Variants in CFAP161 observed in about 807,000 individuals in gnomAD.
CFAP161 encodes the protein cilia- and flagella-associated protein 161.
In CFAP161, 25 loss-of-function variants were observed where a neutral mutation model predicts 29.0. The ratio of observed to expected loss-of-function variants is 0.86; its 90% CI spans 0.63 to 1.20. The LOEUF is 1.20. CFAP161 is among the 50% of genes most tolerant of loss of function. CFAP161 has a pLI of 0.00. For missense variants in CFAP161, 367 were observed against 371.9 expected, an observed-to-expected ratio of 0.99 and a Z score of 0.11; for synonymous variants, 116 against 137.4, an observed-to-expected ratio of 0.84 and a Z score of 1.09.
chr15:81,124,953 A>G (rs1894621671), intron 1 of CFAP161, among the ~76,000 whole-genome samples: 1 of 151,994 alleles, frequency 6.6e-6, no homozygotes, highest in Admixed American at 6.6e-5. Flanking sequence ...GCCAAGAACA[A>G]GCTTTTATTT....
chr15:81,144,596 AAAATAAAT>A (rs956478068), intron 5 of CFAP161, among the ~76,000 whole-genome samples: 3 of 152,014 alleles, frequency 2.0e-5, no homozygotes, highest in African/African-American at 7.2e-5. Flanking sequence ...ACTCTGTCTC[AAAATAAAT>A]AAATAAATGA....
intron 5 of CFAP161, 78 bp from the exon 6 acceptor site, chr15:81,147,780 C>T: frequency 9.3e-7 from 1 of 1,080,178 alleles, no homozygotes; most frequent in Non-Finnish European, 1.3e-6. Context: ...CAAATTTTTG[C>T]TTTTAGGTAA....
chr15:81,132,103 C>G (rs768293441), upstream of CFAP161, among the ~76,000 whole-genome samples: 1 of 152,076 alleles, frequency 6.6e-6, no homozygotes, highest in Non-Finnish European at 1.5e-5. Flanking sequence ...CTGGTAAAAC[C>G]CCATCTCTAC....
chr15:81,102,517 T>A (rs994350077), intron 1 of CFAP161, among the ~76,000 whole-genome samples: 3 of 151,464 alleles, frequency 2.0e-5, no homozygotes, highest in Admixed American at 6.6e-5. Context: ...AAAAAAAAAA[T>A]AAAAAATTAG....
At chr15:81,104,653 A>C (rs1278678566) in intron 1 of CFAP161, among the ~76,000 whole-genome samples, 1 of 152,214 alleles carries the variant, frequency 6.6e-6, no homozygotes, top group East Asian at 1.9e-4. Flanking sequence ...CAAATATCTT[A>C]TATCTAAGTC....
Position 81,120,942 on chromosome 15 carries a change from A to G in CFAP161, c.-141-6648A>G, listed in dbSNP as rs569336127. Among the ~76,000 whole-genome samples, 10 of 152,388 alleles carry G rather than the reference A, an allele frequency of 6.6e-5. No individual in the cohort carries two copies. In the East Asian group the frequency reaches 1.9e-3, roughly 29 times the overall value. ...TATTAAAGAAACGGGTTTCAGAATTAAAAATCAAAACCTCTTGCAATTCTA... is the reference window on the plus strand; with the variant it reads ...TATTAAAGAAACGGGTTTCAGAATTGAAAATCAAAACCTCTTGCAATTCTA... On this transcript the variant is annotated intron_variant, in intron 1 of 4. Coordinates refer to the CFAP161 transcript ENST00000560091.
intron 1 of CFAP161, among the ~76,000 whole-genome samples, chr15:81,121,517 C>T (rs796113047): frequency 6.5e-5 from 2 of 30,618 alleles, no homozygotes; most frequent in Admixed American, 5.7e-4. Context: ...ATCAAAAACA[C>T]ATCTGACTTT....
In CFAP161 at chr15:81,148,444, G is replaced by T. The variant is rs1280585194; in HGVS notation, c.817G>T (p.Asp273Tyr). 6.2e-6 allele frequency: 10 copies of T among 1,614,080 alleles called. No individual in the cohort carries two copies. The South Asian group carries it at 1.1e-4, about 18-fold the overall frequency. The change falls in exon 7 of 7, where the codon GAT (aspartate) becomes TAT (tyrosine). Residue 273 changes from aspartate to tyrosine, a missense_variant. Coordinates refer to ENST00000286732, the MANE Select transcript of CFAP161 (RefSeq NM_173528.4). The part of the protein sequence containing the change: ...HWMLVTGNPR[D>Y]ASSSMLDLPK... ...GATGTTGGTTACTGGGAATCCCAGG[G>T]ATGCCTCGTCCTCCATGTTGGATCT... is the stretch of plus-strand genomic sequence containing the variant.
chr15:81,103,762 T>A (rs936910828), intron 1 of CFAP161, among the ~76,000 whole-genome samples: 1 of 152,198 alleles, frequency 6.6e-6, no homozygotes, highest in Non-Finnish European at 1.5e-5. Flanking sequence ...GAAGGTCACA[T>A]GCTCTGGAGG....
intron 5 of CFAP161, among the ~76,000 whole-genome samples, chr15:81,145,421 T>A (rs915749522): frequency 2.0e-5 from 3 of 152,212 alleles, no homozygotes; most frequent in African/African-American, 7.2e-5. Flanking sequence ...TTGTGAAGAC[T>A]AAATGGTTAG....
At chr15:81,119,586 C>CA (rs756852772) in intron 1 of CFAP161, among the ~76,000 whole-genome samples, 47 of 152,244 alleles carry the variant, frequency 3.1e-4, no homozygotes, top group African/African-American at 1.1e-3. Context: ...CAATGGCTCC[C>CA]ATACAATTTA....
At chr15:81,147,829 C>T in intron 5 of CFAP161, 29 bp from the exon 6 acceptor site, 1 of 1,519,518 alleles carries the variant, frequency 6.6e-7, no homozygotes, top group East Asian at 2.3e-5. Context: ...GTTTAGAATG[C>T]TAATAACACA....
At chr15:81,101,896 A>G (rs1254592176) in intron 1 of CFAP161, among the ~76,000 whole-genome samples, 3 of 152,138 alleles carry the variant, frequency 2.0e-5, no homozygotes, top group Non-Finnish European at 4.4e-5. Context: ...GACATTCTCC[A>G]GGAATCTAAT....
intron 1 of CFAP161, among the ~76,000 whole-genome samples, chr15:81,101,526 CAAAAAAAAAAA>C (rs527465471): frequency 2.8e-4 from 13 of 46,104 alleles, no homozygotes; most frequent in Middle Eastern, 0.021. Flanking sequence ...GACTCTGTCT[CAAAAAAAAAAA>C]AAAAAAAAAA....
intron 1 of CFAP161, chr15:81,118,130 T>G: frequency 1.9e-6 from 1 of 525,312 alleles, no homozygotes; most frequent in Non-Finnish European, 3.5e-6. Context: ...TGTGTGAGAT[T>G]TGGAAGTTTT....
chr15:81,147,837 A>G, intron 5 of CFAP161, 21 bp from the exon 6 acceptor site: 1 of 1,564,910 alleles, frequency 6.4e-7, no homozygotes, highest in Non-Finnish European at 8.7e-7. Context: ...TGCTAATAAC[A>G]CATTTTCTTT....
intron 1 of CFAP161, among the ~76,000 whole-genome samples, chr15:81,113,022 C>T (rs1378138894): frequency 6.6e-6 from 1 of 151,908 alleles, no homozygotes; most frequent in African/African-American, 2.4e-5. Flanking sequence ...GATATAATCA[C>T]ATGTAAAATG....
chr15:81,148,283 C>A, intron 6 of CFAP161, 55 bp from the exon 7 acceptor site: 1 of 1,486,260 alleles, frequency 6.7e-7, no homozygotes, highest in Non-Finnish European at 9.3e-7. Context: ...TTAATAACAG[C>A]TTATTGAGAG....
At position 81,135,360 on chromosome 15, in the gene CFAP161, G is replaced by C. The variant is rs1894791626; in HGVS notation, c.159+1G>C. ...ACTAAAACAGAATCTCTTGAGACCG[G>C]TAACTTTTTTTTTTTTTATTACACT... On this transcript the variant is annotated splice_donor_variant, in intron 2 of 6. Coordinates refer to ENST00000286732, the MANE Select transcript of CFAP161 (RefSeq NM_173528.4). LOFTEE classifies it high-confidence loss of function. The C allele has an allele frequency of 6.4e-7, 1 of 1,574,788 alleles. No individual in the cohort carries two copies. The highest frequency in any genetic ancestry group is 8.6e-7 in the Non-Finnish European group (1 of 1,167,106).
Sources: allele counts gnomAD v4.1 joint callset (sites outside exome capture counted in the v4.1 genomes callset), GRCh38; gene constraint gnomAD v4.1.1; transcripts MANE v1.5; gene names NCBI Gene and HGNC (gene_info 2026-07-23, HGNC 2026-07-21).